Variants in SRRM4 observed in about 807,000 individuals in gnomAD.
SRRM4 encodes the protein serine/arginine repetitive matrix protein 4.
Under a neutral mutation model 68.9 loss-of-function variants are expected in SRRM4, and 33 were observed. The ratio of observed to expected loss-of-function variants is 0.48; its 90% CI spans 0.36 to 0.64. The LOEUF is 0.64. SRRM4 is among the 30% of genes least tolerant of loss of function. SRRM4 has a pLI of 0.00. For missense variants in SRRM4, 817 were observed against 827.1 expected (o/e 0.99, Z 0.15); for synonymous variants, 318 against 318.8 (o/e 1.00, Z 0.03).
intron 5 of SRRM4, among the ~76,000 whole-genome samples, chr12:119,121,785 G>T (rs562495564): frequency 6.6e-6 from 1 of 152,266 alleles, no homozygotes; most frequent in South Asian, 2.1e-4. Context: ...CTCAAAAAAT[G>T]GCAGACATTG....
At chr12:119,016,210 G>A (rs145676363) in intron 1 of SRRM4, among the ~76,000 whole-genome samples, 99 of 152,220 alleles carry the variant, frequency 6.5e-4, no homozygotes, top group African/African-American at 2.2e-3. Flanking sequence ...TGGGGGAAGC[G>A]TGGTCCTAAC....
At chr12:119,022,017 T>C (rs566095135) in intron 1 of SRRM4, among the ~76,000 whole-genome samples, 8 of 152,120 alleles carry the variant, frequency 5.3e-5, no homozygotes, top group African/African-American at 1.2e-4. Flanking sequence ...ACAACACACA[T>C]TGGGGCCTGT....
At chr12:119,075,900 C>CGATGATGGA (rs1953910224) in intron 1 of SRRM4, among the ~76,000 whole-genome samples, 4 of 78,968 alleles carry the variant, frequency 5.1e-5, no homozygotes, top group Non-Finnish European at 1.3e-4. Flanking sequence ...ATGATGGTAG[C>CGATGATGGA]GATGATGGTG....
intron 1 of SRRM4, among the ~76,000 whole-genome samples, chr12:119,034,292 T>G (rs1241662050): frequency 6.6e-6 from 1 of 152,174 alleles, no homozygotes; most frequent in Non-Finnish European, 1.5e-5. Flanking sequence ...GGACATGGCT[T>G]TGGCCTCTTC....
intron 1 of SRRM4, among the ~76,000 whole-genome samples, chr12:119,026,186 A>C (rs576627372): frequency 6.6e-6 from 1 of 152,150 alleles, no homozygotes; most frequent in East Asian, 1.9e-4. Context: ...TCATGAAAAA[A>C]ATCACTCTGT....
At chr12:119,019,241 G>A (rs1953499496) in intron 1 of SRRM4, among the ~76,000 whole-genome samples, 1 of 152,140 alleles carries the variant, frequency 6.6e-6, no homozygotes, top group Admixed American at 6.5e-5. Context: ...ATTTAATGGA[G>A]GCTTTAAAAA....
At chr12:119,144,783 TA>T (rs1403458571) in intron 8 of SRRM4, among the ~76,000 whole-genome samples, 1 of 152,010 alleles carries the variant, frequency 6.6e-6, no homozygotes, top group Admixed American at 6.5e-5. Flanking sequence ...ACTTTATATT[TA>T]AAAAAACAAA....
At chr12:119,076,683 C>T (rs1397555230) in intron 1 of SRRM4, among the ~76,000 whole-genome samples, 2 of 152,194 alleles carry the variant, frequency 1.3e-5, no homozygotes, top group Non-Finnish European at 2.9e-5. Context: ...TGAAATTCAA[C>T]CACCCCAAGG....
chr12:119,109,497 C>A (rs1432145332), intron 2 of SRRM4, among the ~76,000 whole-genome samples: 2 of 152,204 alleles, frequency 1.3e-5, no homozygotes, highest in African/African-American at 2.4e-5. Context: ...TCCCATATTT[C>A]TTGGAGGCTT....
At chr12:119,086,806 G>T (rs984451494) in intron 1 of SRRM4, among the ~76,000 whole-genome samples, 1 of 152,212 alleles carries the variant, frequency 6.6e-6, no homozygotes, top group African/African-American at 2.4e-5. Flanking sequence ...GCCTAGAAAA[G>T]ATCCCTCTCA....
chr12:119,134,328 CCTTATCTTCA>C (rs1954315361), intron 8 of SRRM4, among the ~76,000 whole-genome samples: 1 of 150,182 alleles, frequency 6.7e-6, no homozygotes, highest in Admixed American at 6.7e-5. Context: ...CACACATGGT[CCTTATCTTCA>C]CTCCACCATC....
intron 1 of SRRM4, among the ~76,000 whole-genome samples, chr12:118,986,937 A>C (rs2135987522): frequency 6.6e-6 from 1 of 151,948 alleles, no homozygotes; most frequent in East Asian, 1.9e-4. Context: ...TATTTTTCAG[A>C]GTGGCTGGAT....
chr12:119,018,204 T>C (rs1475356178), intron 1 of SRRM4, among the ~76,000 whole-genome samples: 1 of 152,172 alleles, frequency 6.6e-6, no homozygotes, highest in Non-Finnish European at 1.5e-5. Context: ...GTGCTGGCTT[T>C]AAGGCAATAT....
chr12:119,046,549 A>G (rs887388120), intron 1 of SRRM4, among the ~76,000 whole-genome samples: 14 of 152,150 alleles, frequency 9.2e-5, no homozygotes, highest in African/African-American at 3.4e-4. Context: ...CATGATTCAC[A>G]GTTCAACATC....
chr12:119,118,517 C>T (rs1954196186), intron 4 of SRRM4, among the ~76,000 whole-genome samples: 1 of 152,208 alleles, frequency 6.6e-6, no homozygotes, highest in African/African-American at 2.4e-5. Flanking sequence ...AACCACCTGC[C>T]CAGACTTCCT....
chr12:119,135,920 T>A (rs1316476312), intron 8 of SRRM4, among the ~76,000 whole-genome samples: 1 of 152,152 alleles, frequency 6.6e-6, no homozygotes, highest in East Asian at 1.9e-4. Context: ...TAATCATACC[T>A]ACTTATAGGA....
At chr12:119,140,866 T>A (rs1022750108) in intron 8 of SRRM4, among the ~76,000 whole-genome samples, 1 of 152,196 alleles carries the variant, frequency 6.6e-6, no homozygotes, top group Non-Finnish European at 1.5e-5. Flanking sequence ...CTGCCAGGGG[T>A]CTGGACCTCA....
chr12:119,089,713 C>T (rs1954002619), intron 1 of SRRM4, among the ~76,000 whole-genome samples: 1 of 151,584 alleles, frequency 6.6e-6, no homozygotes, highest in Non-Finnish European at 1.5e-5. Context: ...TGGTATAGAC[C>T]ACCCTCTCTA....
At chr12:119,011,794 C>T (rs891943859) in intron 1 of SRRM4, among the ~76,000 whole-genome samples, 3 of 152,060 alleles carry the variant, frequency 2.0e-5, no homozygotes, top group African/African-American at 7.2e-5. Context: ...GTGCCATTGC[C>T]GAGTGTCAGT....
Sources: allele counts gnomAD v4.1 joint callset (sites outside exome capture counted in the v4.1 genomes callset), GRCh38; gene constraint gnomAD v4.1.1; transcripts MANE v1.5; gene names NCBI Gene and HGNC (gene_info 2026-07-23, HGNC 2026-07-21).